The following PLXDC2 variants were observed in gnomAD, a reference collection of about 807,000 sequenced individuals.
PLXDC2 encodes plexin domain containing 2.
PLXDC2 carries 40 observed loss-of-function variants against 68.9 expected under a neutral mutation model. The observed-to-expected ratio is 0.58, with a 90% CI of 0.45 to 0.76. PLXDC2 has a LOEUF of 0.76. Ranked by LOEUF, PLXDC2 falls within the 30% of genes least tolerant of loss-of-function variation. The pLI, the probability that PLXDC2 is intolerant of heterozygous loss-of-function variation, is 0.00. For missense variants in PLXDC2, 644 were observed against 661.9 expected, an observed-to-expected ratio of 0.97 and a Z score of 0.30; for synonymous variants, 243 against 234.2, an observed-to-expected ratio of 1.04 and a Z score of -0.34.
chr10:20,191,932 T>TTTA (rs2131839772), intron 9 of PLXDC2, among the ~76,000 whole-genome samples: 1 of 152,178 alleles, frequency 6.6e-6, no homozygotes, highest in East Asian at 1.9e-4. Flanking sequence ...AATAGCTACC[T>TTTA]TTTATTTTGT....
At chr10:19,904,326 C>T (rs113415372) in intron 1 of PLXDC2, among the ~76,000 whole-genome samples, 25,742 of 151,892 alleles carry the variant, frequency 0.17, 2,763 homozygotes, top group African/African-American at 0.31. Context: ...TCTCATTTCT[C>T]AGGTCTAGTA....
rs1486620068 is a variant in PLXDC2, at chr10:19,845,164, A to G, written c.112+27973A>G. Among the ~76,000 whole-genome samples the G allele has an allele frequency of 3.3e-5, 5 of 152,076 alleles. No individual in the cohort carries two copies. The East Asian group carries it at 9.7e-4, about 29-fold the overall frequency. ...TCTCTGCTCTCCACGTTCCCTGTCT[A>G]TAGAAGAAGGCCCTTGCACCAAGTC... On this transcript the variant is annotated intron_variant, in intron 1 of 13. Transcript: ENST00000377252.
intron 12 of PLXDC2, among the ~76,000 whole-genome samples, chr10:20,238,838 T>C (rs939402272): frequency 9.9e-5 from 15 of 151,050 alleles, no homozygotes; most frequent in African/African-American, 2.9e-4. Flanking sequence ...GTTCTTACAG[T>C]CTTCTCTGTG....
Position 20,166,970 on chromosome 10 carries a change from A to C in PLXDC2, c.883+2403A>C, listed in dbSNP as rs546327289. Among the ~76,000 whole-genome samples, 24 of 152,284 alleles carry C rather than the reference A, an allele frequency of 1.6e-4. 1 individual carries two copies. The South Asian group carries it at 5.0e-3, about 32-fold the overall frequency. ...TTATGTCTAAAGTTTGGGACTCAGC[A>C]GTTATCTAAAAGAACTTAATTCAAA... On this transcript the variant is annotated intron_variant, in intron 7 of 13. Transcript: ENST00000377252.
chr10:20,227,149 G>A (rs891873025), intron 12 of PLXDC2, among the ~76,000 whole-genome samples: 2 of 151,916 alleles, frequency 1.3e-5, no homozygotes, highest in Admixed American at 1.3e-4. Flanking sequence ...GATTTGCTCG[G>A]GAAACATTTC....
At chr10:19,943,438 C>G (rs1833851194) in intron 1 of PLXDC2, among the ~76,000 whole-genome samples, 1 of 152,128 alleles carries the variant, frequency 6.6e-6, no homozygotes, top group Non-Finnish European at 1.5e-5. Flanking sequence ...GAAACAAGAC[C>G]ACACCTTTGC....
intron 13 of PLXDC2, among the ~76,000 whole-genome samples, chr10:20,266,747 T>G (rs976514722): frequency 1.3e-5 from 2 of 152,208 alleles, no homozygotes; most frequent in Non-Finnish European, 2.9e-5. Flanking sequence ...GAGACTTTCC[T>G]TGTTGAAAAT....
chr10:20,203,264 T>C (rs1834944504), intron 9 of PLXDC2, among the ~76,000 whole-genome samples: 1 of 151,386 alleles, frequency 6.6e-6, no homozygotes, highest in Non-Finnish European at 1.5e-5. Context: ...TTTTTGCCTA[T>C]TATTTGGAGG....
At chr10:19,970,555 T>C (rs1402589215) in intron 1 of PLXDC2, among the ~76,000 whole-genome samples, 10 of 152,196 alleles carry the variant, frequency 6.6e-5, no homozygotes, top group Non-Finnish European at 7.4e-5. Flanking sequence ...AAAGCACAAG[T>C]AGTAGCCTCC....
At chr10:20,276,155 G>A (rs76009032) in intron 13 of PLXDC2, among the ~76,000 whole-genome samples, 2 of 152,144 alleles carry the variant, frequency 1.3e-5, no homozygotes, top group African/African-American at 4.8e-5. Context: ...TACCACAGGT[G>A]TTTTCTATCT....
At chr10:20,221,848 C>A (rs1835216236) in intron 12 of PLXDC2, among the ~76,000 whole-genome samples, 1 of 152,160 alleles carries the variant, frequency 6.6e-6, no homozygotes, top group Non-Finnish European at 1.5e-5. Context: ...CAAGCTAATA[C>A]ATTTTTGTAA....
chr10:20,004,645 A>T (rs1450548297), intron 2 of PLXDC2, among the ~76,000 whole-genome samples: 1 of 152,212 alleles, frequency 6.6e-6, no homozygotes, highest in Non-Finnish European at 1.5e-5. Context: ...AATTTCTTCG[A>T]AAAAGGAAAG....
chr10:19,949,123 CAAAAAAAAAAAAAAAA>C (rs60138814), intron 1 of PLXDC2, among the ~76,000 whole-genome samples: 1 of 82,920 alleles, frequency 1.2e-5, no homozygotes, highest in African/African-American at 5.6e-5. Flanking sequence ...GAGACTTTGT[CAAAAAAAAAAAAAAAA>C]AAAAAAAAGA....
intron 1 of PLXDC2, among the ~76,000 whole-genome samples, chr10:19,937,124 A>G (rs1426561615): frequency 6.6e-6 from 1 of 152,084 alleles, no homozygotes; most frequent in Admixed American, 6.6e-5. Flanking sequence ...ATTTCCTTTG[A>G]TCCTCCATTC....
At chr10:19,963,499 A>G (rs1292155164) in intron 1 of PLXDC2, among the ~76,000 whole-genome samples, 7 of 152,224 alleles carry the variant, frequency 4.6e-5, no homozygotes, top group Admixed American at 3.9e-4. Flanking sequence ...ATGGGATACT[A>G]TGCAGCCATA....
intron 2 of PLXDC2, among the ~76,000 whole-genome samples, chr10:20,028,611 T>A (rs1323976244): frequency 6.6e-6 from 1 of 152,226 alleles, no homozygotes; most frequent in Non-Finnish European, 1.5e-5. Flanking sequence ...CTGGACTGTC[T>A]CAGTTATACT....
intron 4 of PLXDC2, among the ~76,000 whole-genome samples, chr10:20,100,126 C>T (rs1349063035): frequency 2.6e-5 from 4 of 152,064 alleles, no homozygotes; most frequent in Non-Finnish European, 1.5e-5. Flanking sequence ...AGAGCACAAA[C>T]TTTAAAAGAA....
intron 1 of PLXDC2, among the ~76,000 whole-genome samples, chr10:19,910,289 C>T (rs996932836): frequency 3.3e-5 from 5 of 151,520 alleles, no homozygotes; most frequent in African/African-American, 7.3e-5. Context: ...TGCTGCTGTA[C>T]GATAATAATG....
intron 12 of PLXDC2, among the ~76,000 whole-genome samples, chr10:20,223,972 ATT>A (rs10561584): frequency 0.038 from 5,086 of 133,348 alleles, 76 homozygotes; most frequent in African/African-American, 0.069. Context: ...CCTAGAATGT[ATT>A]TTTTTTTTTT....
Sources: gnomAD v4.1 joint callset for allele counts (sites outside exome capture counted in the v4.1 genomes callset) on GRCh38, gnomAD v4.1.1 for gene constraint, MANE v1.5 for transcripts, NCBI Gene and HGNC (gene_info 2026-07-23, HGNC 2026-07-21) for gene names.